VTI1A: variants seen among roughly 807,000 people sequenced by gnomAD.
The protein encoded by VTI1A is vesicle transport through interaction with t-SNAREs homolog 1A.
In VTI1A, 22 loss-of-function variants were observed where a neutral mutation model predicts 34.9. The ratio of observed to expected loss-of-function variants is 0.63; its 90% CI spans 0.45 to 0.90. The LOEUF (loss-of-function observed/expected upper bound fraction) is 0.90, where lower values mean the gene tolerates loss of function less well. VTI1A is among the 40% of genes least tolerant of loss of function. The pLI, the probability that VTI1A is intolerant of heterozygous loss-of-function variation, is 0.00. For missense variants in VTI1A, 268 were observed against 275.6 expected (o/e 0.97, Z 0.20); for synonymous variants, 87 against 97.3 (o/e 0.89, Z 0.62).
chr10:112,819,424 C>T (rs937890614), downstream of VTI1A, among the ~76,000 whole-genome samples: 1 of 152,092 alleles, frequency 6.6e-6, no homozygotes, highest in Non-Finnish European at 1.5e-5. Context: ...CTCCAAGCCA[C>T]TTGCCTTCCC....
At chr10:112,490,336 G>C (rs1589823759) in intron 3 of VTI1A, among the ~76,000 whole-genome samples, 1 of 152,138 alleles carries the variant, frequency 6.6e-6, no homozygotes, top group Non-Finnish European at 1.5e-5. Context: ...TTGGTTTATT[G>C]AAAGTCACAG....
intron 3 of VTI1A, among the ~76,000 whole-genome samples, chr10:112,505,713 A>T (rs570619733): frequency 2.3e-4 from 35 of 150,260 alleles, no homozygotes; most frequent in African/African-American, 8.3e-4. Flanking sequence ...TTGTTCTGTC[A>T]CCCAGGCTGG....
chr10:112,578,318 G>A (rs566115710), intron 5 of VTI1A, among the ~76,000 whole-genome samples: 6 of 152,166 alleles, frequency 3.9e-5, no homozygotes, highest in Admixed American at 2.0e-4. Context: ...GATAGGAGGT[G>A]GGGGGCAGGG....
At chr10:112,548,001 C>A (rs1009031991) in intron 5 of VTI1A, among the ~76,000 whole-genome samples, 1 of 152,056 alleles carries the variant, frequency 6.6e-6, no homozygotes. Context: ...AAATGTGCTT[C>A]ATGTTTAGAA....
At chr10:112,781,712 ACACTCATAGGTG>A (rs1852132718) in intron 7 of VTI1A, among the ~76,000 whole-genome samples, 4 of 12,798 alleles carry the variant, frequency 3.1e-4, no homozygotes, top group African/African-American at 1.0e-3. Flanking sequence ...GTGATGGTGC[ACACTCATAGGTG>A]CACACTCATA....
chr10:112,526,416 A>C (rs1850225681), intron 3 of VTI1A, among the ~76,000 whole-genome samples: 1 of 152,136 alleles, frequency 6.6e-6, no homozygotes, highest in Non-Finnish European at 1.5e-5. Context: ...TTCTTTTACC[A>C]GACACACACA....
At chr10:112,470,275 C>G (rs940115157) in intron 3 of VTI1A, among the ~76,000 whole-genome samples, 1 of 152,126 alleles carries the variant, frequency 6.6e-6, no homozygotes, top group African/African-American at 2.4e-5. Context: ...CTTTCCCTCT[C>G]AAGGGTTGAG....
chr10:112,827,297 C>G, the VTI1A span: 2 of 151,452 alleles, frequency 1.3e-5, no homozygotes, highest in African/African-American at 4.9e-5. Context: ...AATGATGGTG[C>G]GATTACATTA....
chr10:112,728,857 A>AT (rs919223403), intron 7 of VTI1A, among the ~76,000 whole-genome samples: 27 of 151,714 alleles, frequency 1.8e-4, no homozygotes, highest in East Asian at 7.8e-4. Flanking sequence ...ATGTTAGTAG[A>AT]TTTTTTTTTA....
chr10:112,737,788 C>T, intron 7 of VTI1A: 5 of 1,058,796 alleles, frequency 4.7e-6, no homozygotes, highest in Non-Finnish European at 5.7e-6. Context: ...AAAAAAATTA[C>T]AAATTGATGA....
intron 2 of VTI1A, among the ~76,000 whole-genome samples, chr10:112,463,969 G>A (rs1020201621): frequency 3.9e-5 from 6 of 152,064 alleles, no homozygotes; most frequent in East Asian, 1.9e-4. Flanking sequence ...TATTAATAAC[G>A]TTTGGGTTAA....
intron 7 of VTI1A, among the ~76,000 whole-genome samples, chr10:112,772,085 A>G (rs977923258): frequency 3.9e-5 from 6 of 152,228 alleles, no homozygotes; most frequent in African/African-American, 1.2e-4. Context: ...GATTGGCTAG[A>G]TCAAATGGTA....
chr10:112,832,421 C>T, the VTI1A span: 21 of 152,442 alleles, frequency 1.4e-4, no homozygotes, highest in East Asian at 7.7e-4. Context: ...GCCTGCACCC[C>T]GTCGGGCCCC....
intron 5 of VTI1A, among the ~76,000 whole-genome samples, chr10:112,618,524 T>TATATATATATATATATAGAGAGAGAG (rs748276058): frequency 2.9e-5 from 1 of 34,582 alleles, no homozygotes. Context: ...TATATATATA[T>TATATATATATATATATAGAGAGAGAG]AGAGAGAGAG....
intron 7 of VTI1A, among the ~76,000 whole-genome samples, chr10:112,769,974 C>T (rs1332460369): frequency 6.6e-6 from 1 of 152,036 alleles, no homozygotes; most frequent in Non-Finnish European, 1.5e-5. Context: ...TGTAGGCCCA[C>T]TGGGGTCATA....
At chr10:112,577,079 A>G (rs981360997) in intron 5 of VTI1A, among the ~76,000 whole-genome samples, 10 of 152,246 alleles carry the variant, frequency 6.6e-5, no homozygotes, top group African/African-American at 2.4e-4. Context: ...TAGAGCTTGT[A>G]TATTCCAAGA....
intron 2 of VTI1A, among the ~76,000 whole-genome samples, 165 bp downstream of exon 2, chr10:112,460,747 T>A (rs1207386568): frequency 6.6e-6 from 1 of 152,184 alleles, no homozygotes; most frequent in Non-Finnish European, 1.5e-5. Context: ...AGTAGCTTCT[T>A]GGGATTTTAT....
chr10:112,749,531 T>C (rs11196089), intron 7 of VTI1A, among the ~76,000 whole-genome samples: 14,479 of 152,294 alleles, frequency 0.095, 978 homozygotes, highest in East Asian at 0.27. Flanking sequence ...CTGGGATCTG[T>C]GGCCCTTGAT....
Position 112,815,634 on chromosome 10 carries a change from C to G in VTI1A, c.*251C>G. On this transcript the variant is annotated 3_prime_UTR_variant, in exon 8 of 8. Coordinates refer to ENST00000393077, the MANE Select transcript of VTI1A (RefSeq NM_145206.4). ...GAGGGGAAGGTGAATGTTTATTTAC[C>G]TTTTTGCTAATGTCATCAACTAGCC... The G allele has an allele frequency of 2.0e-6, 1 of 505,874 alleles. No homozygotes were observed. 31.3% of individuals were successfully genotyped at this position (505,874 alleles called of 1,614,324 possible).
Sources: gnomAD v4.1 joint callset for allele counts (sites outside exome capture counted in the v4.1 genomes callset) on GRCh38, gnomAD v4.1.1 for gene constraint, MANE v1.5 for transcripts, NCBI Gene and HGNC (gene_info 2026-07-23, HGNC 2026-07-21) for gene names.